WWOX: variants seen among roughly 807,000 people sequenced by gnomAD.
The protein encoded by WWOX is WW domain containing oxidoreductase.
A neutral mutation model predicts 46.2 loss-of-function variants in WWOX; 69 were observed. The observed-to-expected ratio is 1.49, with a 90% CI of 1.23 to 1.82. WWOX has a LOEUF of 1.82. Among genes scored for constraint, WWOX ranks in the 40% most tolerant of loss-of-function variants. The pLI, the probability that WWOX is intolerant of heterozygous loss-of-function variation, is 0.00. For missense variants in WWOX, 919 were observed against 542.6 expected (o/e 1.69, Z -6.89); for synonymous variants, 359 against 202.6 (o/e 1.77, Z -6.56).
chr16:78,351,615 T>C (rs1373085431), intron 5 of WWOX, among the ~76,000 whole-genome samples: 3 of 152,282 alleles, frequency 2.0e-5, no homozygotes, highest in Admixed American at 2.0e-4. Context: ...GGCTCTATAT[T>C]GCACATAGCT....
intron 8 of WWOX, among the ~76,000 whole-genome samples, chr16:78,820,780 G>A (rs528216761): frequency 2.4e-4 from 36 of 152,252 alleles, no homozygotes; most frequent in African/African-American, 6.3e-4. Context: ...AAATCAAGGC[G>A]TTTGTGGGGT....
intron 8 of WWOX, among the ~76,000 whole-genome samples, chr16:78,660,950 C>T (rs1229672275): frequency 6.6e-6 from 1 of 152,134 alleles, no homozygotes; most frequent in African/African-American, 2.4e-5. Flanking sequence ...AATATGCCAT[C>T]ACATGGTGTC....
intron 8 of WWOX, among the ~76,000 whole-genome samples, chr16:79,140,808 C>T (rs1388215071): frequency 6.6e-6 from 1 of 152,052 alleles, no homozygotes; most frequent in South Asian, 2.1e-4. Flanking sequence ...GTTTATACTT[C>T]TGAGTAAGTA....
Position 78,851,359 on chromosome 16 carries a change from T to C in WWOX, c.1057-360249T>C, listed in dbSNP as rs138543069. Among the ~76,000 whole-genome samples, 304 of 152,354 alleles carry C rather than the reference T, an allele frequency of 2.0e-3. 1 individual carries two copies. Among genetic ancestry groups the C allele is most frequent in the African/African-American group, 6.9e-3 (289 of 41,584 alleles). ...GGAAGAGAGGATGAGAATTTTCTTA[T>C]AGGTGGAACTACAGAAAAAGAGTTT... On this transcript the variant is annotated intron_variant, in intron 8 of 8. Transcript: ENST00000566780.
chr16:79,061,690 C>T (rs1336007661), intron 8 of WWOX, among the ~76,000 whole-genome samples: 3 of 152,210 alleles, frequency 2.0e-5, no homozygotes, highest in South Asian at 4.1e-4. Flanking sequence ...TATAGCTGCA[C>T]TGAAAACAAA....
intron 5 of WWOX, among the ~76,000 whole-genome samples, chr16:78,174,026 A>C (rs1235655601): frequency 6.6e-6 from 1 of 152,078 alleles, no homozygotes. Flanking sequence ...CTTCATGAGG[A>C]TTCCACTCTC....
intron 8 of WWOX, among the ~76,000 whole-genome samples, chr16:78,728,055 C>CTTTTTTT (rs758484198): frequency 2.3e-5 from 2 of 86,782 alleles, no homozygotes; most frequent in Admixed American, 1.3e-4. Flanking sequence ...TCCCTCCTTC[C>CTTTTTTT]TTTTTTTTTT....
chr16:78,128,792 A>G lies in WWOX; in HGVS notation c.409+13638A>G, dbSNP rs192123670. ...GTATCTTGCAATATAATGTCTTCCAACTGCCTTTGATTTTACTGTGTGGCT... is the reference window on the plus strand; with the variant it reads ...GTATCTTGCAATATAATGTCTTCCAGCTGCCTTTGATTTTACTGTGTGGCT... On this transcript the variant is annotated intron_variant, in intron 4 of 8. Transcript: ENST00000566780. 7.2e-5 allele frequency among the ~76,000 whole-genome samples: 11 copies of G among 152,344 alleles called. No homozygotes were observed. In the East Asian group the frequency reaches 2.1e-3, roughly 29 times the overall value.
At chr16:78,476,913 C>T (rs1004510618) in intron 8 of WWOX, among the ~76,000 whole-genome samples, 1 of 152,110 alleles carries the variant, frequency 6.6e-6, no homozygotes, top group African/African-American at 2.4e-5. Context: ...CCCCTCTCCC[C>T]CTTCTCCTTT....
At chr16:78,775,304 C>A (rs1480754107) in intron 8 of WWOX, among the ~76,000 whole-genome samples, 1 of 152,182 alleles carries the variant, frequency 6.6e-6, no homozygotes, top group East Asian at 1.9e-4. Context: ...TGACTGTTCA[C>A]AGCAATGCCT....
chr16:79,211,001 T>C (rs535730508), intron 8 of WWOX, among the ~76,000 whole-genome samples: 3 of 151,124 alleles, frequency 2.0e-5, no homozygotes, highest in East Asian at 1.9e-4. Context: ...TAATGTGTTA[T>C]GTGTTTGTGC....
At chr16:78,529,017 G>T (rs1234739634) in intron 8 of WWOX, among the ~76,000 whole-genome samples, 1 of 148,804 alleles carries the variant, frequency 6.7e-6, no homozygotes, top group Admixed American at 6.8e-5. Flanking sequence ...ACAGTGGCAC[G>T]ATCTTGGCTT....
intron 8 of WWOX, among the ~76,000 whole-genome samples, chr16:78,928,731 A>G (rs2045556961): frequency 6.6e-6 from 1 of 152,154 alleles, no homozygotes; most frequent in African/African-American, 2.4e-5. Context: ...CAACACTTTT[A>G]TGGACCTGCA....
At chr16:79,010,221 C>T (rs1256645924) in intron 8 of WWOX, among the ~76,000 whole-genome samples, 1 of 152,152 alleles carries the variant, frequency 6.6e-6, no homozygotes, top group East Asian at 1.9e-4. Context: ...GCTTACCGAG[C>T]ATCTGCTGTG....
At chr16:79,017,635 G>A (rs773478868) in intron 8 of WWOX, among the ~76,000 whole-genome samples, 5 of 151,594 alleles carry the variant, frequency 3.3e-5, no homozygotes, top group African/African-American at 4.8e-5. Flanking sequence ...GTGCATGGCC[G>A]TGTTCTGATA....
At chr16:78,133,596 A>G (rs908524915) in intron 4 of WWOX, among the ~76,000 whole-genome samples, 3 of 152,146 alleles carry the variant, frequency 2.0e-5, no homozygotes, top group African/African-American at 4.8e-5. Context: ...GGGTTTCACC[A>G]TGTTGGCCAG....
At chr16:78,354,010 T>A (rs2151908189) in intron 5 of WWOX, among the ~76,000 whole-genome samples, 1 of 152,352 alleles carries the variant, frequency 6.6e-6, no homozygotes, top group South Asian at 2.1e-4. Flanking sequence ...GACAATAAAC[T>A]TTATTTTCTT....
At chr16:78,849,012 G>GC (rs1303258379) in intron 8 of WWOX, among the ~76,000 whole-genome samples, 1 of 152,210 alleles carries the variant, frequency 6.6e-6, no homozygotes, top group African/African-American at 2.4e-5. Flanking sequence ...GTTACCATGA[G>GC]CAGCAGTAGG....
intron 8 of WWOX, among the ~76,000 whole-genome samples, chr16:78,628,414 G>A (rs949676106): frequency 1.3e-5 from 2 of 152,100 alleles, no homozygotes; most frequent in African/African-American, 4.8e-5. Flanking sequence ...TGGGGTTGGG[G>A]GATTGTGGGT....
Sources: gnomAD v4.1 joint callset for allele counts (sites outside exome capture counted in the v4.1 genomes callset) on GRCh38, gnomAD v4.1.1 for gene constraint, MANE v1.5 for transcripts, NCBI Gene and HGNC (gene_info 2026-07-23, HGNC 2026-07-21) for gene names.